Variants in CAP1 observed in about 807,000 individuals in gnomAD.
The protein encoded by CAP1 is adenylyl cyclase-associated protein 1.
Under a neutral mutation model 58.2 loss-of-function variants are expected in CAP1, and 11 were observed. The ratio of observed to expected loss-of-function variants is 0.19; its 90% CI spans 0.12 to 0.31. The LOEUF is 0.31. CAP1 is among the 10% of genes least tolerant of loss of function. The probability of loss-of-function intolerance (pLI) is 1.00; values close to 1 mark genes in which losing one functional copy is unlikely to be tolerated. For synonymous variants in CAP1, 183 were observed against 213.8 expected (o/e 0.86, Z 1.26); for missense variants, 423 against 587.5 (o/e 0.72, Z 2.89).
At chr1:40,064,648 C>A in intron 6 of CAP1, 89 bp downstream of exon 6, 2 of 964,150 alleles carry the variant, frequency 2.1e-6, no homozygotes, top group Non-Finnish European at 3.3e-6. Flanking sequence ...ACAATCACAG[C>A]TCATTGCAGC....
At chr1:40,064,716 C>G (rs1647001292) in intron 6 of CAP1, among the ~76,000 whole-genome samples, 157 bp downstream of exon 6, 1 of 152,108 alleles carries the variant, frequency 6.6e-6, no homozygotes, top group African/African-American at 2.4e-5. Flanking sequence ...GCTGGGACTT[C>G]AGGCACGCTC....
intron 10 of CAP1, 34 bp from the exon 11 acceptor site, chr1:40,070,396 G>A (rs763472011): frequency 6.9e-7 from 1 of 1,456,794 alleles, no homozygotes; most frequent in South Asian, 1.2e-5. Flanking sequence ...TTCCTTTAAA[G>A]TTACACGTTG....
intron 7 of CAP1, among the ~76,000 whole-genome samples, chr1:40,067,095 A>G (rs1369436732): frequency 6.6e-6 from 1 of 152,204 alleles, no homozygotes; most frequent in Non-Finnish European, 1.5e-5. Context: ...GAGATTTGAT[A>G]AGGTCGAAGA....
intron 8 of CAP1, among the ~76,000 whole-genome samples, chr1:40,068,187 T>C (rs927384903): frequency 6.6e-6 from 1 of 152,234 alleles, no homozygotes; most frequent in Non-Finnish European, 1.5e-5. Context: ...TCTATGATCA[T>C]AGTAGCTAAA....
chr1:40,070,222 A>G lies in CAP1; in HGVS notation c.1057A>G (p.Ile353Val). The change falls in exon 10 of 13, where the codon ATA (isoleucine) becomes GTA (valine). Residue 353 changes from isoleucine to valine, a missense_variant. Ile to Val is a conservative substitution (Grantham distance 29). Transcript: ENST00000372805. The part of the protein sequence containing the change: ...EDTELKQVAY[I>V]YKCVNTTLQI... ...CACAGAGCTGAAACAGGTGGCTTAC[A>G]TATACAAGTGTGTCAACACGACATT... The G allele has an allele frequency of 1.2e-6, 2 of 1,614,212 alleles. No individual in the cohort carries two copies. The highest frequency in any genetic ancestry group is 2.2e-5 in the South Asian group (2 of 91,086).
Position 40,067,575 on chromosome 1 carries a change from T to A in CAP1, c.666T>A (p.Ser222=). 1 of 1,610,622 alleles carries A rather than the reference T, an allele frequency of 6.2e-7. No homozygotes were observed. The highest frequency in any genetic ancestry group is 8.5e-7 in the Non-Finnish European group (1 of 1,178,278). The part of the protein sequence containing the change: ...PVAKELSGLP[S]GPSAGSCPPP... ...CAAAAGAACTGAGCGGACTGCCATC[T>A]GGACCCTCTGCCGGATCATGTCCTC... The change falls in exon 8 of 13, where the codon TCT becomes TCA. Residue 222 remains serine, a synonymous_variant. Transcript: ENST00000372805.
At chr1:40,057,843 G>A (rs186635509) in intron 1 of CAP1, among the ~76,000 whole-genome samples, 1 of 152,290 alleles carries the variant, frequency 6.6e-6, no homozygotes, top group East Asian at 1.9e-4. Context: ...GTCAAAGCTT[G>A]GATTGAAATT....
chr1:40,045,952 C>T (rs1046376185), intron 1 of CAP1, among the ~76,000 whole-genome samples: 3 of 151,918 alleles, frequency 2.0e-5, no homozygotes, highest in Non-Finnish European at 4.4e-5. Context: ...TCTCCTGAGT[C>T]ACTGGGATTA....
Position 40,066,198 on chromosome 1 carries a change from T to G in CAP1, c.525-17T>G. 6 of 1,416,884 alleles carry G rather than the reference T, an allele frequency of 4.2e-6. No homozygotes were observed. Among genetic ancestry groups the G allele is most frequent in the Non-Finnish European group, 6.0e-6 (6 of 1,001,636 alleles). 87.8% of individuals were successfully genotyped at this position (1,416,884 alleles called of 1,614,324 possible). On this transcript the variant is annotated splice_polypyrimidine_tract_variant and intron_variant, in intron 6 of 12. Transcript: ENST00000372805. ...TACCCGGATCACCTGTGACAAGTTC[T>G]TCTTTAATCCTCCCAGGGATAAGAA...
In CAP1 at chr1:40,061,772, C is replaced by T. The variant is rs376438354; in HGVS notation, c.254C>T (p.Ala85Val). The change falls in exon 4 of 13, where the codon GCT becomes GTT. Residue 85 changes from alanine (A) to valine (V), a missense_variant. By Grantham distance (64) the Ala-to-Val change is moderately conservative. Transcript: ENST00000372805. ...MVHTGLKLERALLVTASQCQQ... is the reference protein window; with the variant it reads ...MVHTGLKLERVLLVTASQCQQ... ...CACACAGGTTTGAAGTTGGAGCGAG[C>T]TCTGTTGGTTACAGCTTCTCAGTGT... The T allele has an allele frequency of 1.2e-5, 20 of 1,614,004 alleles. No homozygotes were observed. In the Admixed American group the frequency reaches 1.5e-4, roughly 12 times the overall value.
rs529358841 is a variant in CAP1, at chr1:40,060,159, G to A, written c.205G>A (p.Val69Met). The A allele has an allele frequency of 1.7e-5, 27 of 1,612,514 alleles. No individual in the cohort carries two copies. The highest frequency in any genetic ancestry group is 5.5e-5 in the South Asian group (5 of 90,944). The change falls in exon 3 of 13, where the codon GTG (valine) becomes ATG (methionine). Residue 69 changes from valine to methionine, a missense_variant. Val to Met is a conservative substitution (Grantham distance 21). Coordinates refer to ENST00000372805, the MANE Select transcript of CAP1 (RefSeq NM_006367.4). The part of the protein sequence containing the change: ...LKISKEIGGD[V>M]QKHAEMVHTG... The stretch of plus-strand genomic sequence containing the variant: ...GATCAGTAAAGAGATTGGGGGAGAC[G>A]TGCAGAAACATGTAAGGATGTTTTG...
At chr1:40,045,324 C>G (rs2124157692) in intron 1 of CAP1, among the ~76,000 whole-genome samples, 1 of 152,276 alleles carries the variant, frequency 6.6e-6, no homozygotes, top group Admixed American at 6.5e-5. Flanking sequence ...GCCCCATAGC[C>G]ATACTTAGCA....
intron 11 of CAP1, 147 bp downstream of exon 11, chr1:40,070,659 G>C: frequency 1.1e-6 from 1 of 912,612 alleles, no homozygotes. Flanking sequence ...AGAAGGGTTG[G>C]CTCTTCAAGC....
intron 1 of CAP1, among the ~76,000 whole-genome samples, chr1:40,049,741 C>T (rs1646271071): frequency 6.6e-6 from 1 of 152,182 alleles, no homozygotes; most frequent in Admixed American, 6.5e-5. Context: ...TCAAACTCAG[C>T]ATATCCAAAA....
chr1:40,043,323 G>T (rs1423990642), intron 1 of CAP1, among the ~76,000 whole-genome samples: 1 of 152,062 alleles, frequency 6.6e-6, no homozygotes, highest in Non-Finnish European at 1.5e-5. Flanking sequence ...TCAGCCTCCT[G>T]AGAAACTGGG....
intron 6 of CAP1, among the ~76,000 whole-genome samples, chr1:40,066,003 G>C (rs1647051719): frequency 6.6e-6 from 1 of 152,158 alleles, no homozygotes; most frequent in Admixed American, 6.5e-5. Context: ...ATAGAATCCA[G>C]AGTCTCTATC....
At chr1:40,066,760 G>A (rs79647291) in intron 7 of CAP1, among the ~76,000 whole-genome samples, 4,274 of 152,290 alleles carry the variant, frequency 0.028, 200 homozygotes, top group African/African-American at 0.093. Flanking sequence ...TGTGAGACTT[G>A]AAAGTAGTAT....
intron 2 of CAP1, among the ~76,000 whole-genome samples, chr1:40,059,686 T>G (rs1158935902): frequency 6.6e-6 from 1 of 152,222 alleles, no homozygotes; most frequent in Non-Finnish European, 1.5e-5. Context: ...TTTCCTGCTC[T>G]TTCTTTAGCA....
intron 6 of CAP1, among the ~76,000 whole-genome samples, 199 bp downstream of exon 6, chr1:40,064,758 G>A (rs751052531): frequency 2.4e-4 from 37 of 151,930 alleles, no homozygotes; most frequent in Non-Finnish European, 4.6e-4. Context: ...TAATTTTTTC[G>A]TAGAGATGAG....
Sources: gnomAD v4.1 joint callset for allele counts (sites outside exome capture counted in the v4.1 genomes callset) on GRCh38, gnomAD v4.1.1 for gene constraint, MANE v1.5 for transcripts, NCBI Gene and HGNC (gene_info 2026-07-23, HGNC 2026-07-21) for gene names.